Variants in TRHDE observed in about 807,000 individuals in gnomAD.
TRHDE encodes the protein thyrotropin releasing hormone degrading enzyme, also known as thyrotropin-releasing hormone-degrading ectoenzyme.
Under a neutral mutation model 125.7 loss-of-function variants are expected in TRHDE, and 72 were observed. The observed-to-expected ratio is 0.57, with a 90% CI of 0.47 to 0.70. TRHDE has a LOEUF of 0.70. TRHDE is among the 30% of genes least tolerant of loss of function. TRHDE has a pLI of 0.00. For missense variants in TRHDE, 1,110 were observed against 1,327.1 expected, an observed-to-expected ratio of 0.84 and a Z score of 2.54; for synonymous variants, 509 against 509.1, an observed-to-expected ratio of 1.00 and a Z score of 0.00.
At chr12:72,456,380 A>G (rs1875854183) in intron 3 of TRHDE, among the ~76,000 whole-genome samples, 2 of 152,192 alleles carry the variant, frequency 1.3e-5, no homozygotes, top group Non-Finnish European at 2.9e-5. Context: ...GTATTTTAAT[A>G]TAGCACTTCA....
chr12:72,504,628 C>G (rs1238176818), intron 6 of TRHDE, among the ~76,000 whole-genome samples: 2 of 152,228 alleles, frequency 1.3e-5, no homozygotes, highest in East Asian at 3.9e-4. Context: ...TCCAACAGGT[C>G]AGATAGAACC....
Position 72,353,279 on chromosome 12 carries a change from C to G in TRHDE, c.1189-24716C>G, listed in dbSNP as rs183861138. On this transcript the variant is annotated intron_variant, in intron 2 of 18. Transcript: ENST00000261180. ...AGTGTTTAATCTGTGATCACTCATT[C>G]ACTTATTCAGATAGAAGCATTTGTA... 1.3e-3 allele frequency among the ~76,000 whole-genome samples: 204 copies of G among 151,742 alleles called. 1 individual carries two copies. Among genetic ancestry groups the G allele is most frequent in the African/African-American group, 4.6e-3 (192 of 41,456 alleles).
chr12:72,201,563 T>G (rs1266757792), intron 2 of TRHDE, among the ~76,000 whole-genome samples: 1 of 151,584 alleles, frequency 6.6e-6, no homozygotes, highest in Non-Finnish European at 1.5e-5. Context: ...CTTGTAGGAG[T>G]GAAGTAGTTA....
intron 7 of TRHDE, among the ~76,000 whole-genome samples, chr12:72,555,569 G>A (rs1255511001): frequency 6.6e-6 from 1 of 152,012 alleles, no homozygotes; most frequent in Admixed American, 6.6e-5. Flanking sequence ...TTAGGGATTT[G>A]TTACTCATTT....
intron 2 of TRHDE, among the ~76,000 whole-genome samples, chr12:72,215,128 G>A (rs568983052): frequency 1.8e-4 from 27 of 152,036 alleles, no homozygotes; most frequent in Non-Finnish European, 2.8e-4. Flanking sequence ...ATAAGGGTGG[G>A]GCCGTTTTAT....
chr12:72,520,957 G>T (rs1879165971), intron 6 of TRHDE, among the ~76,000 whole-genome samples: 1 of 152,120 alleles, frequency 6.6e-6, no homozygotes, highest in African/African-American at 2.4e-5. Flanking sequence ...CAGATATCAT[G>T]CAATTTAAAC....
rs1870652134 is a variant in TRHDE at position 72,352,996 on chromosome 12, T to G, written c.1189-24999T>G. Among the ~76,000 whole-genome samples the G allele has an allele frequency of 3.3e-5, 5 of 151,746 alleles. No homozygotes were observed. The South Asian group carries it at 8.3e-4, about 25-fold the overall frequency. ...AAAAAGTAGTATGTGTTTCTGCTTC[T>G]TTTTTAAAAAAATTACCCAATACAA... On this transcript the variant is annotated intron_variant, in intron 2 of 18. Coordinates refer to ENST00000261180, the MANE Select transcript of TRHDE (RefSeq NM_013381.3).
intron 3 of TRHDE, among the ~76,000 whole-genome samples, chr12:72,438,869 G>A (rs962694253): frequency 1.3e-4 from 19 of 151,846 alleles, no homozygotes; most frequent in Admixed American, 3.3e-4. Flanking sequence ...AGGTGTTGGA[G>A]CATTTCCCCT....
intron 12 of TRHDE, among the ~76,000 whole-genome samples, chr12:72,597,666 TAAAAAAA>T (rs758942039): frequency 1.3e-5 from 1 of 75,670 alleles, no homozygotes; most frequent in Admixed American, 1.6e-4. Context: ...AGACCTTGTC[TAAAAAAA>T]AAAAAAAACT....
At chr12:72,356,583 A>C (rs1870833509) in intron 2 of TRHDE, among the ~76,000 whole-genome samples, 1 of 151,510 alleles carries the variant, frequency 6.6e-6, no homozygotes, top group Non-Finnish European at 1.5e-5. Flanking sequence ...TGAAAAGTGG[A>C]TGTAGAGGGG....
At chr12:72,642,613 T>G (rs1874111679) in intron 15 of TRHDE, among the ~76,000 whole-genome samples, 1 of 152,208 alleles carries the variant, frequency 6.6e-6, no homozygotes, top group Non-Finnish European at 1.5e-5. Flanking sequence ...ATGTTTATCA[T>G]GTATACCGTA....
rs111310492 is a variant in TRHDE at position 72,191,155 on chromosome 12, CACTT to C, written n.279+85406_279+85409del. Among the ~76,000 whole-genome samples the C allele has an allele frequency of 2.3e-3, 353 of 152,322 alleles. 2 individuals are homozygous for C. The highest frequency in any genetic ancestry group is 7.9e-3 in the African/African-American group (328 of 41,568). On this transcript the variant is annotated intron_variant and non_coding_transcript_variant, in intron 2 of 4. Coordinates refer to the TRHDE transcript ENST00000548156. Reference sequence around the variant, plus strand: ...ACACTGGTCTTACCATGTACTATGTCACTTACAGACAAAAACCTTTATAGAATTC... The same window carrying C: ...ACACTGGTCTTACCATGTACTATGTCACAGACAAAAACCTTTATAGAATTC...
At chr12:72,119,597 A>G (rs1181990194) in intron 2 of TRHDE, among the ~76,000 whole-genome samples, 2 of 152,104 alleles carry the variant, frequency 1.3e-5, no homozygotes, top group Non-Finnish European at 1.5e-5. Flanking sequence ...TTCATTTTCT[A>G]TTTGGACAAT....
intron 1 of TRHDE, among the ~76,000 whole-genome samples, chr12:72,274,165 G>A (rs1879387620): frequency 6.6e-6 from 1 of 152,176 alleles, no homozygotes. Context: ...TGAGAGGACC[G>A]GGACGGGGGT....
chr12:72,410,210 AAT>A (rs1007365949), intron 3 of TRHDE, among the ~76,000 whole-genome samples: 2 of 151,482 alleles, frequency 1.3e-5, no homozygotes, highest in Non-Finnish European at 2.9e-5. Context: ...TTGACAAACA[AAT>A]ATATATATAT....
chr12:72,245,538 T>A (rs1016881646), intron 2 of TRHDE, among the ~76,000 whole-genome samples: 3 of 152,142 alleles, frequency 2.0e-5, no homozygotes, highest in African/African-American at 7.2e-5. Flanking sequence ...AAGTTTCTTG[T>A]CTTCTCTGTG....
intron 9 of TRHDE, among the ~76,000 whole-genome samples, chr12:72,566,376 A>G (rs1203687430): frequency 1.3e-5 from 2 of 151,694 alleles, no homozygotes; most frequent in East Asian, 1.9e-4. Flanking sequence ...CCTTATAGTT[A>G]TAACTATAAG....
chr12:72,389,933 G>A (rs1592410650), intron 3 of TRHDE, among the ~76,000 whole-genome samples: 1 of 152,174 alleles, frequency 6.6e-6, no homozygotes, highest in Non-Finnish European at 1.5e-5. Flanking sequence ...GACCAGAGTG[G>A]TAGTAGTGGA....
chr12:72,184,474 A>G (rs540145347), intron 2 of TRHDE, among the ~76,000 whole-genome samples: 2 of 152,282 alleles, frequency 1.3e-5, no homozygotes, highest in East Asian at 3.9e-4. Flanking sequence ...GAGGGTCTCA[A>G]AATACCAGAA....
Sources: gnomAD v4.1 joint callset for allele counts (sites outside exome capture counted in the v4.1 genomes callset) on GRCh38, gnomAD v4.1.1 for gene constraint, MANE v1.5 for transcripts, NCBI Gene and HGNC (gene_info 2026-07-23, HGNC 2026-07-21) for gene names.